BMERB1: variants seen among roughly 807,000 people sequenced by gnomAD.
BMERB1 encodes bMERB domain containing 1.
A neutral mutation model predicts 23.6 loss-of-function variants in BMERB1; 12 were observed. The observed-to-expected ratio is 0.51, with a 90% CI of 0.33 to 0.82. The LOEUF (loss-of-function observed/expected upper bound fraction) is 0.82. BMERB1 is among the 40% of genes least tolerant of loss of function. BMERB1 has a pLI of 0.03. For synonymous variants in BMERB1, 122 were observed against 96.6 expected, an observed-to-expected ratio of 1.26 and a Z score of -1.54; for missense variants, 247 against 255.4, an observed-to-expected ratio of 0.97 and a Z score of 0.22.
intron 2 of BMERB1, among the ~76,000 whole-genome samples, chr16:15,541,599 A>AT (rs962962059): frequency 0.079 from 6,980 of 87,870 alleles, 414 homozygotes; most frequent in Admixed American, 0.13. Context: ...CTAATTTTTA[A>AT]TTTTTTTTTT....
chr16:15,474,670 G>A (rs2051260481), intron 1 of BMERB1, among the ~76,000 whole-genome samples: 1 of 151,900 alleles, frequency 6.6e-6, no homozygotes, highest in African/African-American at 2.4e-5. Context: ...ATGAGCCACT[G>A]TGCCTGGCCT....
chr16:15,499,754 T>C (rs1278910892), intron 1 of BMERB1, among the ~76,000 whole-genome samples: 1 of 152,192 alleles, frequency 6.6e-6, no homozygotes, highest in Admixed American at 6.5e-5. Context: ...TCAGAGCATT[T>C]GGAAGACGAG....
At position 15,584,704 on chromosome 16, in the gene BMERB1, C is replaced by T. The variant is rs145027523; in HGVS notation, c.502+1466C>T. On this transcript the variant is annotated intron_variant, in intron 5 of 5. Transcript: ENST00000300006. The stretch of plus-strand genomic sequence containing the variant: ...TACCTCCCCTCCTTTTCTTCTTTTT[C>T]TCATCTCTGCCTCTCTTTGCATGTA... Among the ~76,000 whole-genome samples, 1,395 of 152,232 alleles carry T rather than the reference C, an allele frequency of 9.2e-3. 8 individuals carry two copies. The highest frequency in any genetic ancestry group is 0.014 in the Middle Eastern group (4 of 294).
intron 1 of BMERB1, among the ~76,000 whole-genome samples, chr16:15,501,008 C>A (rs954946051): frequency 3.3e-5 from 5 of 152,140 alleles, no homozygotes; most frequent in Admixed American, 6.5e-5. Context: ...GACTTCCATA[C>A]TCCCTCCAAA....
At chr16:15,578,157 T>G (rs918973601) in intron 3 of BMERB1, among the ~76,000 whole-genome samples, 5 of 152,110 alleles carry the variant, frequency 3.3e-5, no homozygotes, top group Non-Finnish European at 4.4e-5. Context: ...GCCTTCTGGT[T>G]GCACCACTTC....
At chr16:15,565,619 C>T (rs949668649) in intron 2 of BMERB1, among the ~76,000 whole-genome samples, 12 of 152,052 alleles carry the variant, frequency 7.9e-5, no homozygotes, top group African/African-American at 1.4e-4. Flanking sequence ...AAGGCCAAGG[C>T]GGGAGGATCA....
intron 1 of BMERB1, among the ~76,000 whole-genome samples, chr16:15,466,889 T>C (rs1227105412): frequency 6.6e-6 from 1 of 152,162 alleles, no homozygotes; most frequent in Non-Finnish European, 1.5e-5. Flanking sequence ...CAACAACAAT[T>C]AGTTTTCTAT....
At chr16:15,541,431 T>G (rs1188753230) in intron 2 of BMERB1, among the ~76,000 whole-genome samples, 1 of 143,478 alleles carries the variant, frequency 7.0e-6, no homozygotes, top group Non-Finnish European at 1.5e-5. Flanking sequence ...TTGTTTTTTT[T>G]TTTTTTTTTT....
At chr16:15,581,931 C>T (rs2031023834) in intron 4 of BMERB1, among the ~76,000 whole-genome samples, 1 of 152,226 alleles carries the variant, frequency 6.6e-6, no homozygotes, top group Non-Finnish European at 1.5e-5. Flanking sequence ...GCTTTTAGGG[C>T]CTTTCACAAG....
chr16:15,530,544 G>T (rs1425925029), intron 2 of BMERB1, among the ~76,000 whole-genome samples: 1 of 152,126 alleles, frequency 6.6e-6, no homozygotes, highest in Non-Finnish European at 1.5e-5. Context: ...AAGAAGCTGG[G>T]ACCACAGGCA....
intron 1 of BMERB1, among the ~76,000 whole-genome samples, chr16:15,493,929 G>A (rs926735718): frequency 5.3e-5 from 8 of 152,124 alleles, no homozygotes; most frequent in East Asian, 1.9e-4. Flanking sequence ...TTTTAACCCC[G>A]CCAAGCACAT....
chr16:15,566,889 T>A (rs1012664416), intron 2 of BMERB1, among the ~76,000 whole-genome samples: 7 of 152,070 alleles, frequency 4.6e-5, no homozygotes, highest in Non-Finnish European at 1.0e-4. Flanking sequence ...GCTTTTTTTT[T>A]AAATCTGGAG....
chr16:15,561,635 G>A (rs1317327996), intron 2 of BMERB1, among the ~76,000 whole-genome samples: 2 of 152,086 alleles, frequency 1.3e-5, no homozygotes, highest in Non-Finnish European at 2.9e-5. Flanking sequence ...GCTCATGCCT[G>A]TAATCCCAGT....
At chr16:15,550,734 G>A (rs1160017999) in intron 2 of BMERB1, among the ~76,000 whole-genome samples, 2 of 152,154 alleles carry the variant, frequency 1.3e-5, no homozygotes, top group African/African-American at 2.4e-5. Context: ...GGTGACATGC[G>A]TAGGCAGTCT....
At chr16:15,506,391 G>T (rs2051592023) in intron 1 of BMERB1, among the ~76,000 whole-genome samples, 1 of 151,902 alleles carries the variant, frequency 6.6e-6, no homozygotes, top group Non-Finnish European at 1.5e-5. Context: ...TAGCCAAGAT[G>T]GTCTCTATCT....
intron 1 of BMERB1, among the ~76,000 whole-genome samples, chr16:15,478,405 C>G (rs1598461457): frequency 6.6e-6 from 1 of 152,298 alleles, no homozygotes; most frequent in South Asian, 2.1e-4. Flanking sequence ...AAGTGATCCT[C>G]CCACCTCAGC....
At chr16:15,550,161 T>G (rs111549145) in intron 2 of BMERB1, among the ~76,000 whole-genome samples, 9,304 of 152,216 alleles carry the variant, frequency 0.061, 910 homozygotes, top group African/African-American at 0.2. Flanking sequence ...GGATGGTCTC[T>G]ATCTCCTGAC....
rs1285374210 is a variant in BMERB1, at chr16:15,516,642, T to G, written c.230+1214T>G. Among the ~76,000 whole-genome samples the G allele has an allele frequency of 6.7e-5, 8 of 118,684 alleles. No individual in the cohort carries two copies. In the East Asian group the frequency reaches 2.0e-3, roughly 30 times the overall value. 77.9% of individuals were successfully genotyped at this position (118,684 alleles called of 152,430 possible). A position where few individuals can be genotyped will look rare whatever the true frequency, so the allele number is the denominator to read the frequency against. The stretch of plus-strand genomic sequence containing the variant: ...GGAAGCAGCAGGAACATCAAATCTT[T>G]TAGGCAGGCTAGGCCCCTCCCCTAT... On this transcript the variant is annotated intron_variant, in intron 2 of 5. Coordinates refer to ENST00000300006, the MANE Select transcript of BMERB1 (RefSeq NM_033201.3).
At chr16:15,488,902 CAA>C (rs769821665) in intron 1 of BMERB1, among the ~76,000 whole-genome samples, 10 of 57,750 alleles carry the variant, frequency 1.7e-4, no homozygotes, top group Admixed American at 1.9e-4. Flanking sequence ...ACTGCATATG[CAA>C]AAAAAAAAAA....
Sources: allele counts gnomAD v4.1 joint callset (sites outside exome capture counted in the v4.1 genomes callset), GRCh38; gene constraint gnomAD v4.1.1; transcripts MANE v1.5; gene names NCBI Gene and HGNC (gene_info 2026-07-23, HGNC 2026-07-21).